Variants in EDEM3 observed in about 807,000 individuals in gnomAD.
The protein encoded by EDEM3 is ER degradation enhancing alpha-mannosidase like protein 3, also known as ER degradation-enhancing alpha-mannosidase-like protein 3.
Under a neutral mutation model 110.2 loss-of-function variants are expected in EDEM3, and 60 were observed. The ratio of observed to expected loss-of-function variants is 0.54; its 90% confidence interval spans 0.44 to 0.67. The LOEUF (loss-of-function observed/expected upper bound fraction) is 0.67. EDEM3 is among the 30% of genes least tolerant of loss of function. EDEM3 has a pLI of 0.00. For missense variants in EDEM3, 996 were observed against 1,121.0 expected (o/e 0.89, Z 1.59); for synonymous variants, 352 against 382.9 (o/e 0.92, Z 0.94).
At chr1:184,749,248 A>T (rs912134514) in intron 2 of EDEM3, among the ~76,000 whole-genome samples, 1 of 152,152 alleles carries the variant, frequency 6.6e-6, no homozygotes, top group African/African-American at 2.4e-5. Flanking sequence ...CAGAGATAAC[A>T]TCTTCATGTA....
chr1:184,732,258 A>G (rs186310517), intron 6 of EDEM3, among the ~76,000 whole-genome samples: 2 of 151,776 alleles, frequency 1.3e-5, no homozygotes, highest in East Asian at 1.9e-4. Flanking sequence ...CTAAAATTTA[A>G]AACAATTGAT....
intron 3 of EDEM3, among the ~76,000 whole-genome samples, chr1:184,737,366 C>T (rs1274281184): frequency 6.6e-6 from 1 of 152,116 alleles, no homozygotes; most frequent in African/African-American, 2.4e-5. Flanking sequence ...TTAAAAGTTA[C>T]ATAAAAGTTA....
At chr1:184,707,334 AT>A (rs1324955277) in intron 17 of EDEM3, among the ~76,000 whole-genome samples, 1 of 152,174 alleles carries the variant, frequency 6.6e-6, no homozygotes, top group Non-Finnish European at 1.5e-5. Flanking sequence ...CAAGGAACTA[AT>A]TTTTTTAAAC....
At position 184,726,405 on chromosome 1, in the gene EDEM3, A is replaced by G; in HGVS notation, c.613-16T>C. 2 of 1,609,974 alleles carry G rather than the reference A, an allele frequency of 1.2e-6. No homozygotes were observed. The highest frequency in any genetic ancestry group is 1.7e-6 in the Non-Finnish European group (2 of 1,177,592). ...TTAAATTAATCTGAATACAATTAGAAAATTGTCATTAGCAGTTATCAAGAC... is the reference window on the plus strand; with the variant it reads ...TTAAATTAATCTGAATACAATTAGAGAATTGTCATTAGCAGTTATCAAGAC... On this transcript the variant is annotated splice_polypyrimidine_tract_variant and intron_variant, in intron 6 of 19. Transcript: ENST00000318130.
intron 8 of EDEM3, 39 bp downstream of exon 8, chr1:184,723,712 G>T: frequency 1.4e-6 from 2 of 1,407,772 alleles, no homozygotes; most frequent in Non-Finnish European, 2.0e-6. Context: ...ACCATTTTGA[G>T]GATGCAAAGG....
At chr1:184,718,757 A>G (rs142293461) in intron 11 of EDEM3, among the ~76,000 whole-genome samples, 1 of 152,280 alleles carries the variant, frequency 6.6e-6, no homozygotes, top group East Asian at 1.9e-4. Context: ...ACAAAAGTAT[A>G]TCTAATATAT....
chr1:184,746,690 C>T (rs111518212), intron 2 of EDEM3, among the ~76,000 whole-genome samples: 26 of 152,240 alleles, frequency 1.7e-4, no homozygotes, highest in African/African-American at 5.8e-4. Context: ...TGCTCCAAGT[C>T]CAGAGTTCTT....
chr1:184,737,123 T>C (rs543547288), intron 3 of EDEM3, 59 bp from the exon 4 acceptor site: 1 of 1,414,548 alleles, frequency 7.1e-7, no homozygotes, highest in African/African-American at 1.4e-5. Flanking sequence ...TTTATGAATG[T>C]ACAAGTAGAC....
At chr1:184,736,909 C>T (rs1651857603) in intron 4 of EDEM3, 116 bp downstream of exon 4, 10 of 812,770 alleles carry the variant, frequency 1.2e-5, no homozygotes, top group South Asian at 1.2e-4. Flanking sequence ...AAGCAAAGAT[C>T]AGAACATCTT....
intron 11 of EDEM3, among the ~76,000 whole-genome samples, chr1:184,718,839 A>T (rs1650700083): frequency 6.6e-6 from 1 of 152,132 alleles, no homozygotes. Flanking sequence ...TACATACAAG[A>T]GTTAGAATGA....
At chr1:184,742,591 G>C (rs1455958277) in intron 2 of EDEM3, among the ~76,000 whole-genome samples, 5 of 152,142 alleles carry the variant, frequency 3.3e-5, no homozygotes, top group Non-Finnish European at 5.9e-5. Context: ...GTTTCACCAA[G>C]TTGGCCAGGC....
intron 16 of EDEM3, 32 bp from the exon 17 acceptor site, chr1:184,708,376 C>T (rs1325696247): frequency 6.2e-7 from 1 of 1,604,020 alleles, no homozygotes; most frequent in Non-Finnish European, 8.5e-7. Context: ...TTTATCCTTC[C>T]TTTCTGGAAA....
chr1:184,745,888 G>A (rs1358933516), intron 2 of EDEM3, among the ~76,000 whole-genome samples: 1 of 152,152 alleles, frequency 6.6e-6, no homozygotes, highest in Non-Finnish European at 1.5e-5. Flanking sequence ...GCTCCAAAAA[G>A]GTTCTACATT....
intron 5 of EDEM3, among the ~76,000 whole-genome samples, chr1:184,733,880 T>A (rs954536042): frequency 3.3e-5 from 5 of 150,916 alleles, no homozygotes; most frequent in Non-Finnish European, 5.9e-5. Context: ...TGAGAGGTAA[T>A]CTTATACATT....
rs1652723681 is a variant in EDEM3, at chr1:184,750,846, T to C, written c.159-1254A>G. Among the ~76,000 whole-genome samples, 3 of 152,172 alleles carry C rather than the reference T, an allele frequency of 2.0e-5. No homozygotes were observed. The South Asian group carries it at 6.2e-4, about 31-fold the overall frequency. ...TTTCTTTTACCAAAGTTCCAATCAC[T>C]GATGGCAAGAATTGAAAAAAGTGTT... On this transcript the variant is annotated intron_variant, in intron 1 of 19. Coordinates refer to ENST00000318130, the MANE Select transcript of EDEM3 (RefSeq NM_025191.4).
At chr1:184,721,151 C>T (rs1650877727) in intron 9 of EDEM3, 138 bp downstream of exon 9, 1 of 671,480 alleles carries the variant, frequency 1.5e-6, no homozygotes, top group Non-Finnish European at 2.5e-6. Flanking sequence ...CCCTGTTCAA[C>T]ATCATCAGGA....
chr1:184,697,024 TA>T (rs1008042225), intron 19 of EDEM3, among the ~76,000 whole-genome samples: 62 of 151,752 alleles, frequency 4.1e-4, no homozygotes, highest in Non-Finnish European at 7.4e-4. Flanking sequence ...GCAACTTTAA[TA>T]AAAAAATACT....
chr1:184,719,592 A>G (rs1343230295), intron 9 of EDEM3, 24 bp from the exon 10 acceptor site: 1 of 1,610,660 alleles, frequency 6.2e-7, no homozygotes, highest in Non-Finnish European at 8.5e-7. Context: ...ACATGTGTTC[A>G]TGAAAGTTAG....
intron 13 of EDEM3, among the ~76,000 whole-genome samples, chr1:184,716,320 A>G (rs1650543647): frequency 6.6e-6 from 1 of 152,196 alleles, no homozygotes; most frequent in African/African-American, 2.4e-5. Flanking sequence ...TGATAACCAG[A>G]TAAGTGATCT....
Sources: allele counts gnomAD v4.1 joint callset (sites outside exome capture counted in the v4.1 genomes callset), GRCh38; gene constraint gnomAD v4.1.1; transcripts MANE v1.5; gene names NCBI Gene and HGNC (gene_info 2026-07-23, HGNC 2026-07-21).